Variants in AFG2A observed in about 807,000 individuals in gnomAD.
The protein encoded by AFG2A is ATPase family gene 2 protein homolog A.
chr4:122,950,217 A>G, the AFG2A span, among the ~76,000 whole-genome samples: 1 of 152,148 alleles, frequency 6.6e-6, no homozygotes, highest in East Asian at 1.9e-4. Flanking sequence ...AGTCCATTCA[A>G]TTTGTTCAGT....
the AFG2A span, among the ~76,000 whole-genome samples, chr4:123,264,909 G>A: frequency 6.6e-6 from 1 of 152,118 alleles, no homozygotes; most frequent in Non-Finnish European, 1.5e-5. Context: ...ATCCCTTAGG[G>A]ATTGGACCTC....
chr4:123,055,817 A>G, the AFG2A span, among the ~76,000 whole-genome samples: 3,012 of 152,270 alleles, frequency 0.02, 96 homozygotes, highest in African/African-American at 0.068. Context: ...ACATCCCCAC[A>G]ACTGAGGTCA....
At chr4:122,996,030 A>G in the AFG2A span, among the ~76,000 whole-genome samples, 1 of 152,196 alleles carries the variant, frequency 6.6e-6, no homozygotes, top group Non-Finnish European at 1.5e-5. Flanking sequence ...TGATCTTTCC[A>G]AAAGAAATTA....
At chr4:123,240,343 C>T in the AFG2A span, among the ~76,000 whole-genome samples, 15 of 152,292 alleles carry the variant, frequency 9.8e-5, no homozygotes, top group South Asian at 4.1e-4. Flanking sequence ...CTCAGCACCA[C>T]GTCGCAATTA....
chr4:122,943,703 A>G, the AFG2A span, among the ~76,000 whole-genome samples: 3 of 152,148 alleles, frequency 2.0e-5, no homozygotes, highest in Non-Finnish European at 4.4e-5. Context: ...TATTTTGCTC[A>G]TTAGTTGATG....
chr4:123,141,494 A>C, the AFG2A span, among the ~76,000 whole-genome samples: 1 of 152,134 alleles, frequency 6.6e-6, no homozygotes, highest in African/African-American at 2.4e-5. Flanking sequence ...AAACAAAAAA[A>C]CAGTGTTACT....
chr4:122,929,191 C>T, the AFG2A span: 11 of 1,580,390 alleles, frequency 7.0e-6, no homozygotes, highest in Non-Finnish European at 9.4e-6. Context: ...ATGGATGTGG[C>T]ACTGAGGTTT....
the AFG2A span, chr4:123,255,868 T>C: frequency 1.1e-6 from 1 of 938,408 alleles, no homozygotes; most frequent in Non-Finnish European, 1.6e-6. Flanking sequence ...GTGACATAGA[T>C]TATGGAATCT....
the AFG2A span, among the ~76,000 whole-genome samples, chr4:123,184,488 T>C: frequency 6.6e-6 from 1 of 151,566 alleles, no homozygotes. Flanking sequence ...GCCAGTTATA[T>C]ATATAAAGTG....
At chr4:123,152,413 A>G in the AFG2A span, among the ~76,000 whole-genome samples, 1 of 152,238 alleles carries the variant, frequency 6.6e-6, no homozygotes, top group East Asian at 1.9e-4. Context: ...TTGAAATTCA[A>G]CAATAAGAAA....
At chr4:122,939,646 T>C in the AFG2A span, among the ~76,000 whole-genome samples, 2 of 151,944 alleles carry the variant, frequency 1.3e-5, no homozygotes, top group Non-Finnish European at 2.9e-5. Flanking sequence ...TTTTTTTTTT[T>C]ATACTTTAAG....
At chr4:122,943,182 G>A in the AFG2A span, among the ~76,000 whole-genome samples, 2 of 152,004 alleles carry the variant, frequency 1.3e-5, no homozygotes, top group Non-Finnish European at 2.9e-5. Flanking sequence ...TCAATTCCTG[G>A]GTATCCTTGT....
At chr4:123,194,161 A>T in the AFG2A span, among the ~76,000 whole-genome samples, 2 of 152,230 alleles carry the variant, frequency 1.3e-5, no homozygotes, top group African/African-American at 4.8e-5. Flanking sequence ...CTTACCGGCC[A>T]TAGGAAGCAG....
At chr4:122,951,791 A>T in the AFG2A span, among the ~76,000 whole-genome samples, 1 of 152,140 alleles carries the variant, frequency 6.6e-6, no homozygotes, top group African/African-American at 2.4e-5. Context: ...CCTCGTGACA[A>T]GCTGTTTGTG....
the AFG2A span, among the ~76,000 whole-genome samples, chr4:123,198,722 T>A: frequency 2.0e-5 from 3 of 152,214 alleles, no homozygotes; most frequent in Non-Finnish European, 4.4e-5. Flanking sequence ...ATCCAAAATA[T>A]CTTCCTGCCC....
the AFG2A span, among the ~76,000 whole-genome samples, chr4:123,273,295 T>C: frequency 6.6e-6 from 1 of 152,146 alleles, no homozygotes; most frequent in Admixed American, 6.6e-5. Flanking sequence ...TCTTTTTAAA[T>C]AATATATAGA....
chr4:123,201,785 G>T, the AFG2A span, among the ~76,000 whole-genome samples: 1 of 152,054 alleles, frequency 6.6e-6, no homozygotes, highest in African/African-American at 2.4e-5. Context: ...AGCTGGGCAT[G>T]GTGGCATATG....
the AFG2A span, among the ~76,000 whole-genome samples, chr4:123,207,198 T>C: frequency 6.6e-6 from 1 of 152,158 alleles, no homozygotes; most frequent in South Asian, 2.1e-4. Context: ...GTAAAAGTGA[T>C]AGGGTATCCC....
At chr4:123,027,643 T>C in the AFG2A span, among the ~76,000 whole-genome samples, 1 of 152,218 alleles carries the variant, frequency 6.6e-6, no homozygotes, top group East Asian at 1.9e-4. Flanking sequence ...GTACGTTTTC[T>C]GGTACACGTA....
Sources: gnomAD v4.1 joint callset for allele counts (sites outside exome capture counted in the v4.1 genomes callset) on GRCh38, gnomAD v4.1.1 for gene constraint, MANE v1.5 for transcripts, NCBI Gene and HGNC (gene_info 2026-07-23, HGNC 2026-07-21) for gene names.